Variants in RAB11FIP3 observed in about 807,000 individuals in gnomAD.
RAB11FIP3 encodes the protein RAB11 family interacting protein 3.
In RAB11FIP3, 17 loss-of-function variants were observed where a neutral mutation model predicts 77.8. The observed-to-expected ratio is 0.22, with a 90% CI of 0.15 to 0.33. RAB11FIP3 has a LOEUF of 0.33. Ranked by LOEUF, RAB11FIP3 falls within the 10% of genes least tolerant of loss-of-function variation. RAB11FIP3 has a pLI of 1.00. For synonymous variants in RAB11FIP3, 437 were observed against 448.2 expected, an observed-to-expected ratio of 0.98 and a Z score of 0.31; for missense variants, 1,005 against 1,011.2, an observed-to-expected ratio of 0.99 and a Z score of 0.08.
chr16:519,646 C>G, intron 10 of RAB11FIP3, 108 bp from the exon 11 acceptor site: 1 of 1,448,864 alleles, frequency 6.9e-7, no homozygotes, highest in Non-Finnish European at 9.4e-7. Context: ...CGGGCGCCAC[C>G]GCGTTGCTGT....
At chr16:427,590 C>T (rs1167496359) in intron 1 of RAB11FIP3, among the ~76,000 whole-genome samples, 1 of 152,214 alleles carries the variant, frequency 6.6e-6, no homozygotes, top group African/African-American at 2.4e-5. Flanking sequence ...GCCAATAACC[C>T]GGTGGACATC....
chr16:505,582 A>T lies in RAB11FIP3; in HGVS notation c.1454A>T (p.Glu485Val). Reference protein sequence around the residue: ...ELEKDTAATGEQHSRLRQENL... With the variant: ...ELEKDTAATGVQHSRLRQENL... ...GAAAAGGACACGGCAGCCACCGGTG[A>T]GCAACACAGCCGCCTGAGGCAGGAG... The change falls in exon 8 of 14, where the codon GAG becomes GTG. Residue 485 changes from glutamate to valine, a missense_variant. By Grantham distance (121) the Glu-to-Val change is moderately radical. Around this residue, in one of 4 missense-constraint regions of RAB11FIP3, gnomAD observed 433 missense variants for 436.1 expected, o/e 0.99. Coordinates refer to ENST00000262305, the MANE Select transcript of RAB11FIP3 (RefSeq NM_014700.4). The surrounding 1 kb of genome is among the most constrained non-coding windows in gnomAD (Gnocchi z 4.0). 1 of 1,606,130 alleles carries T rather than the reference A, an allele frequency of 6.2e-7. No homozygotes were observed. The highest frequency in any genetic ancestry group is 1.1e-5 in the South Asian group (1 of 90,840).
At position 456,067 on chromosome 16, in the gene RAB11FIP3, C is replaced by G. The variant is rs2055497799; in HGVS notation, c.715-5337C>G. On this transcript the variant is annotated intron_variant, in intron 1 of 13. Coordinates refer to ENST00000262305, the MANE Select transcript of RAB11FIP3 (RefSeq NM_014700.4). Reference sequence around the variant, plus strand: ...TTAAGGCCGGGCACGGTGGCTCGCTCACACCTGTAACCCCAGCACTTTGGG... The same window carrying G: ...TTAAGGCCGGGCACGGTGGCTCGCTGACACCTGTAACCCCAGCACTTTGGG... Among the ~76,000 whole-genome samples, 3 of 152,006 alleles carry G rather than the reference C, an allele frequency of 2.0e-5. No individual in the cohort carries two copies. The South Asian group carries it at 6.2e-4, about 32-fold the overall frequency.
At chr16:478,136 G>T (rs1371236771) in intron 3 of RAB11FIP3, among the ~76,000 whole-genome samples, 1 of 152,100 alleles carries the variant, frequency 6.6e-6, no homozygotes, top group Non-Finnish European at 1.5e-5. Context: ...GCTCAGGTGG[G>T]TGCAGCCTGG....
intron 5 of RAB11FIP3, among the ~76,000 whole-genome samples, chr16:496,149 G>A (rs1415472894): frequency 2.0e-5 from 3 of 152,204 alleles, no homozygotes; most frequent in East Asian, 1.9e-4. Flanking sequence ...TTCCAGGACC[G>A]TGATGGTTCC....
intron 1 of RAB11FIP3, among the ~76,000 whole-genome samples, chr16:458,179 C>T (rs1167134456): frequency 2.6e-5 from 4 of 152,238 alleles, no homozygotes; most frequent in African/African-American, 7.2e-5. Flanking sequence ...GGGCCAGCCA[C>T]GGGGGCCCGG....
chr16:492,393 TCCCCGGGAGACCCGAGG>T lies in RAB11FIP3; in HGVS notation c.1265+3396_1265+3412del, dbSNP rs2030455075. Among the ~76,000 whole-genome samples the T allele has an allele frequency of 2.7e-4, 13 of 48,252 alleles. 1 individual carries two copies. The highest frequency in any genetic ancestry group is 1.2e-3 in the African/African-American group (11 of 9,484). The allele number at this position is 48,252 out of a possible 152,430, so 31.7% of individuals were successfully genotyped here. A position where few individuals can be genotyped will look rare whatever the true frequency, so the allele number is the denominator to read the frequency against. On this transcript the variant is annotated intron_variant, in intron 5 of 13. Coordinates refer to ENST00000262305, the MANE Select transcript of RAB11FIP3 (RefSeq NM_014700.4). ...GGAGACCCGAGGCCGCCCAGAGCCC[TCCCCGGGAGACCCGAGG>T]CCGCCCAGGGCCCTCCCCGGGAGAC...
At chr16:464,992 C>T (rs941286093) in intron 2 of RAB11FIP3, among the ~76,000 whole-genome samples, 1 of 152,058 alleles carries the variant, frequency 6.6e-6, no homozygotes, top group Admixed American at 6.5e-5. Context: ...CTTGCTGGGC[C>T]GGCTGGGTGG....
At chr16:492,358 G>A (rs1368445966) in intron 5 of RAB11FIP3, among the ~76,000 whole-genome samples, 31 of 90,914 alleles carry the variant, frequency 3.4e-4, no homozygotes, top group African/African-American at 1.5e-3. Context: ...CTTTGAAGAG[G>A]GTCTTCCCGG....
At chr16:490,631 A>G (rs1000359219) in intron 5 of RAB11FIP3, among the ~76,000 whole-genome samples, 1 of 152,218 alleles carries the variant, frequency 6.6e-6, no homozygotes, top group East Asian at 1.9e-4. Context: ...GCTTTAACGC[A>G]CATCTTAAAA....
chr16:473,084 CTG>C lies in RAB11FIP3; in HGVS notation c.903+1696_903+1697del, dbSNP rs1328444010. ...GGGCCTCCAGAACTGAGAGGATAAA[CTG>C]GTGTTTCTTCACGCCCCGTGGTCTG... On this transcript the variant is annotated intron_variant, in intron 3 of 13. Transcript: ENST00000262305. 7.9e-5 allele frequency among the ~76,000 whole-genome samples: 12 copies of C among 152,344 alleles called. No homozygotes were observed. The East Asian group carries it at 1.9e-3, about 24-fold the overall frequency.
At position 461,390 on chromosome 16, in the gene RAB11FIP3, T is replaced by A; in HGVS notation, c.715-14T>A. 1 of 1,610,828 alleles carries A rather than the reference T, an allele frequency of 6.2e-7. No individual in the cohort carries two copies. The highest frequency in any genetic ancestry group is 2.2e-5 in the East Asian group (1 of 44,700). On this transcript the variant is annotated splice_polypyrimidine_tract_variant and intron_variant, in intron 1 of 13. Coordinates refer to ENST00000262305, the MANE Select transcript of RAB11FIP3 (RefSeq NM_014700.4). The surrounding 1 kb of genome is among the most constrained non-coding windows in gnomAD (Gnocchi z 4.5). The stretch of plus-strand genomic sequence containing the variant: ...AAAGGCTTAGGGTAACCTAGTCTCA[T>A]TTGGCAATTACAGGTGAAGGACTTA...
Position 522,357 on chromosome 16 carries a change from C to T in RAB11FIP3, c.*1518C>T, listed in dbSNP as rs1419099499. 2 of 151,840 alleles carry T rather than the reference C, an allele frequency of 1.3e-5. No individual in the cohort carries two copies. Among genetic ancestry groups the T allele is most frequent in the Non-Finnish European group, 2.9e-5 (2 of 67,978 alleles). 9.4% of individuals were successfully genotyped at this position (151,840 alleles called of 1,614,324 possible). A position where few individuals can be genotyped will look rare whatever the true frequency, so the allele number is the denominator to read the frequency against. On this transcript the variant is annotated 3_prime_UTR_variant, in exon 14 of 14. Coordinates refer to ENST00000262305, the MANE Select transcript of RAB11FIP3 (RefSeq NM_014700.4). ...ATGGCACCACTCAGCAGTGCTGTCA[C>T]TGTAAGCATGGACTCCCAGGAGACA...
intron 9 of RAB11FIP3, among the ~76,000 whole-genome samples, chr16:513,655 T>C (rs1243232523): frequency 6.6e-6 from 1 of 152,234 alleles, no homozygotes; most frequent in Non-Finnish European, 1.5e-5. Context: ...TAAATATTCA[T>C]AAGAGGATTT....
chr16:494,313 T>C lies in RAB11FIP3; in HGVS notation c.1266-2511T>C, dbSNP rs544255780. Reference sequence around the variant, plus strand: ...TATTAGTTCTAGGGAGTCTCAACAATAATAAGATAAAATTAAATTTGTATT... The same window carrying C: ...TATTAGTTCTAGGGAGTCTCAACAACAATAAGATAAAATTAAATTTGTATT... On this transcript the variant is annotated intron_variant, in intron 5 of 13. Coordinates refer to ENST00000262305, the MANE Select transcript of RAB11FIP3 (RefSeq NM_014700.4). Among the ~76,000 whole-genome samples the C allele has an allele frequency of 5.5e-4, 83 of 151,448 alleles. 1 individual carries two copies. In the South Asian group the frequency reaches 8.2e-3, roughly 15 times the overall value.
intron 1 of RAB11FIP3, among the ~76,000 whole-genome samples, chr16:437,676 CTA>C (rs1414995357): frequency 2.6e-5 from 4 of 151,196 alleles, no homozygotes; most frequent in African/African-American, 4.9e-5. Flanking sequence ...GAACTGATAA[CTA>C]TATGTTATAG....
rs149968783 is a variant in RAB11FIP3 at position 519,014 on chromosome 16, G to A, written c.1712G>A (p.Arg571His). ...CCCTGTCTGAAGGCCAACATTGAGC[G>A]TCTGGAGGAGGTGAGCTGCCAACAG... is the stretch of plus-strand genomic sequence containing the variant. Reference protein sequence around the residue: ...CTPCLKANIERLEEEKQKLLD... With the variant: ...CTPCLKANIEHLEEEKQKLLD... Residue 571 changes from arginine to histidine, a missense_variant, in exon 10 of 14, where the codon CGT (arginine) becomes CAT (histidine). By Grantham distance (29) the Arg-to-His change is conservative. Around this residue, in one of 4 missense-constraint regions of RAB11FIP3, gnomAD observed 433 missense variants for 436.1 expected, o/e 0.99. Transcript: ENST00000262305. 336 of 1,613,246 alleles carry A rather than the reference G, an allele frequency of 2.1e-4. 2 individuals carry two copies. The highest frequency in any genetic ancestry group is 2.6e-4 in the Non-Finnish European group (312 of 1,180,006).
At position 426,382 on chromosome 16, in the gene RAB11FIP3, A is replaced by G. The variant is rs2054942540; in HGVS notation, c.376A>G (p.Thr126Ala). The G allele has an allele frequency of 4.4e-6, 7 of 1,576,940 alleles. No homozygotes were observed. Among genetic ancestry groups the G allele is most frequent in the South Asian group, 2.3e-5 (2 of 86,480 alleles). Residue 126 changes from threonine to alanine, a missense_variant, in exon 1 of 14, where the codon ACT becomes GCT. Coordinates refer to ENST00000262305, the MANE Select transcript of RAB11FIP3 (RefSeq NM_014700.4). The surrounding 1 kb of genome is among the most constrained non-coding windows in gnomAD (Gnocchi z 5.0). ...LPELDPLFSW[T>A]EEPEECGPAS... ...AGAACTCGACCCGTTGTTCTCCTGG[A>G]CTGAGGAGCCCGAGGAGTGTGGCCC...
At chr16:465,515 GCAT>G (rs1396154003) in intron 2 of RAB11FIP3, among the ~76,000 whole-genome samples, 10 of 152,166 alleles carry the variant, frequency 6.6e-5, no homozygotes, top group African/African-American at 2.2e-4. Context: ...GTGTGGCAGG[GCAT>G]CTCATGGGGA....
Sources: allele counts gnomAD v4.1 joint callset (sites outside exome capture counted in the v4.1 genomes callset), GRCh38; gene constraint gnomAD v4.1.1; regional missense constraint gnomAD v4.1.1; non-coding constraint Gnocchi (gnomAD v3.1); transcripts MANE v1.5; gene names NCBI Gene and HGNC (gene_info 2026-07-23, HGNC 2026-07-21).